Variants in BMPR1A observed in about 807,000 individuals in gnomAD.
BMPR1A encodes bone morphogenetic protein receptor type-1A.
Under a neutral mutation model 66.0 loss-of-function variants are expected in BMPR1A, and 7 were observed. The ratio of observed to expected loss-of-function variants is 0.11; its 90% CI spans 0.06 to 0.20. The LOEUF (loss-of-function observed/expected upper bound fraction) is 0.20. Among genes scored for constraint, BMPR1A ranks in the 10% least tolerant of loss-of-function variants. The pLI, the probability that BMPR1A is intolerant of heterozygous loss-of-function variation, is 1.00. For missense variants in BMPR1A, 408 were observed against 669.1 expected (o/e 0.61, Z 4.31); for synonymous variants, 200 against 229.7 (o/e 0.87, Z 1.17).
At chr10:86,805,444 C>G (rs539782974) in intron 1 of BMPR1A, among the ~76,000 whole-genome samples, 1 of 147,388 alleles carries the variant, frequency 6.8e-6, no homozygotes, top group African/African-American at 2.5e-5. Context: ...CCCCTTTACC[C>G]TTACTATTTC....
At position 86,756,619 on chromosome 10, in the gene BMPR1A, A is replaced by G. The variant is rs1458389816; in HGVS notation, c.-568A>G. ...CCGCGCCGCCCCCTCCCCTCCTGGC[A>G]AGAGTCGGCGGCGGTGGCGGCGGCC... On this transcript the variant is annotated 5_prime_UTR_variant, in exon 1 of 13. Transcript: ENST00000372037. 6.6e-6 allele frequency: 1 copy of G among 150,882 alleles called. No homozygotes were observed. The highest frequency in any genetic ancestry group is 1.5e-5 in the Non-Finnish European group (1 of 67,656). The allele number at this position is 150,882 out of a possible 1,614,324, so 9.3% of individuals were successfully genotyped here.
intron 1 of BMPR1A, among the ~76,000 whole-genome samples, chr10:86,764,137 G>T (rs1841125592): frequency 6.6e-6 from 1 of 152,140 alleles, no homozygotes; most frequent in South Asian, 2.1e-4. Flanking sequence ...AGATTTGTAG[G>T]TAGTTTTCTT....
chr10:86,921,448 T>G, intron 10 of BMPR1A, 72 bp from the exon 11 acceptor site: 1 of 1,596,368 alleles, frequency 6.3e-7, no homozygotes, highest in African/African-American at 1.3e-5. Flanking sequence ...TTTTATAAAA[T>G]AGGACAAAAA....
intron 1 of BMPR1A, among the ~76,000 whole-genome samples, chr10:86,757,489 G>C (rs1847895346): frequency 6.6e-6 from 1 of 152,170 alleles, no homozygotes; most frequent in African/African-American, 2.4e-5. Context: ...CTTTCTGCTG[G>C]ATTGCCTGGA....
intron 1 of BMPR1A, among the ~76,000 whole-genome samples, chr10:86,833,820 A>G (rs777396713): frequency 6.6e-6 from 1 of 152,216 alleles, no homozygotes; most frequent in Non-Finnish European, 1.5e-5. Context: ...AAGTCACCCT[A>G]TCTGCTGAGT....
intron 1 of BMPR1A, among the ~76,000 whole-genome samples, chr10:86,794,207 A>C (rs1418900130): frequency 1.3e-5 from 2 of 152,180 alleles, no homozygotes; most frequent in Non-Finnish European, 2.9e-5. Flanking sequence ...GTTGGTTTTT[A>C]GTCAGCTACA....
chr10:86,792,474 G>A lies in BMPR1A; in HGVS notation c.-268+35555G>A, dbSNP rs560513987. On this transcript the variant is annotated intron_variant, in intron 1 of 12. Coordinates refer to ENST00000372037, the MANE Select transcript of BMPR1A (RefSeq NM_004329.3). Reference sequence around the variant, plus strand: ...TTAAACACTTAGAAGCTTCTTTATGGTCAGGAAATTTAAAATGTTTTTCAT... The same window carrying A: ...TTAAACACTTAGAAGCTTCTTTATGATCAGGAAATTTAAAATGTTTTTCAT... Among the ~76,000 whole-genome samples the A allele has an allele frequency of 3.3e-5, 5 of 152,280 alleles. No individual in the cohort carries two copies. In the South Asian group the frequency reaches 1.0e-3, roughly 32 times the overall value.
intron 2 of BMPR1A, among the ~76,000 whole-genome samples, chr10:86,856,753 G>A (rs1379364469): frequency 6.6e-6 from 1 of 152,168 alleles, no homozygotes; most frequent in East Asian, 1.9e-4. Context: ...CAACGAGACT[G>A]CCCTTGCTGC....
chr10:86,893,390 C>T (rs185077387), intron 5 of BMPR1A, among the ~76,000 whole-genome samples: 13 of 152,292 alleles, frequency 8.5e-5, no homozygotes, highest in Admixed American at 3.3e-4. Flanking sequence ...GTGATTTTGT[C>T]CCAGGAGATC....
intron 5 of BMPR1A, among the ~76,000 whole-genome samples, chr10:86,898,532 C>T (rs1351542110): frequency 8.5e-5 from 13 of 152,150 alleles, no homozygotes; most frequent in African/African-American, 2.4e-4. Flanking sequence ...GAGCTACCTT[C>T]GTCATCCCTG....
In BMPR1A at chr10:86,889,816, G is replaced by A. The variant is rs1843121700; in HGVS notation, c.68-246G>A. The A allele has an allele frequency of 1.6e-5, 8 of 505,534 alleles. No individual in the cohort carries two copies. In the Admixed American group the frequency reaches 2.4e-4, roughly 15 times the overall value. The allele number at this position is 505,534 out of a possible 1,614,324, so 31.3% of individuals were successfully genotyped here. ...ATTCTGCCTTGCGCCACTCTTGTTTGTCTTTCACTAGTGCAAAAATTGTGA... is the reference window on the plus strand; with the variant it reads ...ATTCTGCCTTGCGCCACTCTTGTTTATCTTTCACTAGTGCAAAAATTGTGA... On this transcript the variant is annotated intron_variant, in intron 3 of 12. Transcript: ENST00000372037.
At chr10:86,849,815 A>G (rs1044275549) in intron 2 of BMPR1A, among the ~76,000 whole-genome samples, 1 of 152,224 alleles carries the variant, frequency 6.6e-6, no homozygotes, top group Non-Finnish European at 1.5e-5. Context: ...CTCATAGTAG[A>G]CACTCAGTAA....
chr10:86,780,167 G>T (rs1479881452), intron 1 of BMPR1A, among the ~76,000 whole-genome samples: 1 of 152,106 alleles, frequency 6.6e-6, no homozygotes, highest in African/African-American at 2.4e-5. Context: ...TTGTTTTGCT[G>T]TTGAGATGTT....
intron 7 of BMPR1A, among the ~76,000 whole-genome samples, chr10:86,901,102 CTG>C (rs1843302411): frequency 6.6e-6 from 1 of 152,246 alleles, no homozygotes; most frequent in South Asian, 2.1e-4. Context: ...ACACTCAACT[CTG>C]AGAGAGGCCC....
downstream of BMPR1A, chr10:86,931,214 C>A (rs945244163): frequency 7.1e-6 from 1 of 139,918 alleles, no homozygotes; most frequent in Non-Finnish European, 1.5e-5. Context: ...GCATTCCAGG[C>A]TGGGCAACAG....
chr10:86,796,912 TA>T (rs1251069639), intron 1 of BMPR1A, among the ~76,000 whole-genome samples: 1 of 152,170 alleles, frequency 6.6e-6, no homozygotes, highest in Non-Finnish European at 1.5e-5. Flanking sequence ...GTCCTGTTCA[TA>T]AAAGTTTTAT....
intron 5 of BMPR1A, among the ~76,000 whole-genome samples, chr10:86,895,427 A>G (rs552923463): frequency 6.6e-6 from 1 of 151,998 alleles, no homozygotes; most frequent in Admixed American, 6.6e-5. Context: ...AATCCCAGCT[A>G]CTTGGGAGGC....
At chr10:86,794,873 G>A (rs1015736912) in intron 1 of BMPR1A, among the ~76,000 whole-genome samples, 3 of 149,348 alleles carry the variant, frequency 2.0e-5, no homozygotes, top group African/African-American at 7.4e-5. Flanking sequence ...TTTTTAGATA[G>A]AGAGTTTCGC....
intron 1 of BMPR1A, among the ~76,000 whole-genome samples, chr10:86,773,607 A>C (rs1841300333): frequency 6.6e-6 from 1 of 151,084 alleles, no homozygotes; most frequent in Admixed American, 6.6e-5. Context: ...GAAAAAAAAA[A>C]AAAAAAAAAA....
Sources: allele counts gnomAD v4.1 joint callset (sites outside exome capture counted in the v4.1 genomes callset), GRCh38; gene constraint gnomAD v4.1.1; transcripts MANE v1.5; gene names NCBI Gene and HGNC (gene_info 2026-07-23, HGNC 2026-07-21).